The following EPB41L1 variants were observed in gnomAD, a reference collection of about 807,000 sequenced individuals.
EPB41L1 encodes band 4.1-like protein 1.
EPB41L1 carries 29 observed loss-of-function variants against 97.8 expected under a neutral mutation model. That is an observed-to-expected ratio of 0.30 (90% CI 0.22 to 0.40). The LOEUF (loss-of-function observed/expected upper bound fraction) is 0.40, where lower values mean the gene tolerates loss of function less well. EPB41L1 is among the 10% of genes least tolerant of loss of function. The pLI, the probability that EPB41L1 is intolerant of heterozygous loss-of-function variation, is 1.00. For missense variants in EPB41L1, 812 were observed against 1,162.3 expected (o/e 0.70, Z 4.38); for synonymous variants, 383 against 459.2 (o/e 0.83, Z 2.12).
At position 36,207,800 on chromosome 20, in the gene EPB41L1, C is replaced by A; in HGVS notation, c.1669-1688C>A. 7.8e-7 allele frequency: 1 copy of A among 1,279,040 alleles called. No individual in the cohort carries two copies. The highest frequency in any genetic ancestry group is 1.3e-5 in the South Asian group (1 of 79,478). 79.2% of individuals were successfully genotyped at this position (1,279,040 alleles called of 1,614,324 possible). A position where few individuals can be genotyped will look rare whatever the true frequency, so the allele number is the denominator to read the frequency against. Reference sequence around the variant, plus strand: ...ACTGGGGTAACTGGCCGCGTGAGCCCCCGCCCCCACCGCTGCTCCCCGCCC... The same window carrying A: ...ACTGGGGTAACTGGCCGCGTGAGCCACCGCCCCCACCGCTGCTCCCCGCCC... On this transcript the variant is annotated intron_variant, in intron 14 of 21. Coordinates refer to ENST00000338074, the MANE Select transcript of EPB41L1 (RefSeq NM_012156.2). The surrounding 1 kb of genome is among the most constrained non-coding windows in gnomAD (Gnocchi z 4.9).
chr20:36,180,718 A>T (rs77650926), intron 5 of EPB41L1, among the ~76,000 whole-genome samples: 2 of 152,196 alleles, frequency 1.3e-5, no homozygotes, highest in African/African-American at 2.4e-5. Context: ...TGAGTATTAC[A>T]TGTAGAATGG....
chr20:36,229,248 A>C (rs2064371478), intron 21 of EPB41L1, 84 bp from the exon 22 acceptor site: 2 of 1,138,778 alleles, frequency 1.8e-6, no homozygotes, highest in Non-Finnish European at 2.6e-6. Context: ...AACAAGTGAC[A>C]GAAGTTACTA....
In EPB41L1 at chr20:36,187,663, T is replaced by C. The variant is rs1479838141; in HGVS notation, c.786-13T>C. ...TTTCCCTTGGTCACCTGTGATCACTTTCTTTCCCTCAGGGGGATGACCCCG... is the reference window on the plus strand; with the variant it reads ...TTTCCCTTGGTCACCTGTGATCACTCTCTTTCCCTCAGGGGGATGACCCCG... On this transcript the variant is annotated splice_polypyrimidine_tract_variant and intron_variant, in intron 7 of 21. Coordinates refer to ENST00000338074, the MANE Select transcript of EPB41L1 (RefSeq NM_012156.2). 2 of 1,612,596 alleles carry C rather than the reference T, an allele frequency of 1.2e-6. No individual in the cohort carries two copies. Among genetic ancestry groups the C allele is most frequent in the Non-Finnish European group, 1.7e-6 (2 of 1,178,856 alleles).
intron 1 of EPB41L1, among the ~76,000 whole-genome samples, chr20:36,172,750 G>A (rs1339505792): frequency 2.6e-5 from 4 of 151,872 alleles, no homozygotes; most frequent in Admixed American, 6.5e-5. Context: ...ACAGAAGTGC[G>A]CCACCACACC....
In EPB41L1 at chr20:36,092,576, CGG is replaced by C. The variant is rs1849516387; in HGVS notation, c.-65+966_-65+967del. ...GCCCGCCCGCTGCTGCTTGGGGGGCCGGGATCGCCGCCGCCTCCTCCGGGGGA... is the reference window on the plus strand; with the variant it reads ...GCCCGCCCGCTGCTGCTTGGGGGGCCGATCGCCGCCGCCTCCTCCGGGGGA... On this transcript the variant is annotated intron_variant, in intron 1 of 19. Transcript: ENST00000202028. The surrounding 1 kb of genome is among the most constrained non-coding windows in gnomAD (Gnocchi z 7.0). The C allele has an allele frequency of 6.6e-6, 1 of 151,578 alleles. No homozygotes were observed. Among genetic ancestry groups the C allele is most frequent in the Non-Finnish European group, 1.5e-5 (1 of 67,992 alleles). 9.4% of individuals were successfully genotyped at this position (151,578 alleles called of 1,614,324 possible).
rs1211081518 is a variant in EPB41L1 at position 36,154,796 on chromosome 20, G to C, written c.-115G>C. ...CCGAACAGGCTGCTCCGCAGAGCCC[G>C]CCGCGACCCCGCGCCGCCCCGCCCC... On this transcript the variant is annotated 5_prime_UTR_variant, in exon 1 of 22. Transcript: ENST00000338074. The surrounding 1 kb of genome is among the most constrained non-coding windows in gnomAD (Gnocchi z 5.5). The C allele has an allele frequency of 1.0e-6, 1 of 988,980 alleles. No individual in the cohort carries two copies. Among genetic ancestry groups the C allele is most frequent in the East Asian group, 1.1e-4 (1 of 8,812 alleles). The allele number at this position is 988,980 out of a possible 1,614,324, so 61.3% of individuals were successfully genotyped here.
Position 36,091,833 on chromosome 20 carries a change from C to A in EPB41L1, c.-65+221C>A, listed in dbSNP as rs535009731. 5 of 152,392 alleles carry A rather than the reference C, an allele frequency of 3.3e-5. No homozygotes were observed. The South Asian group carries it at 1.0e-3, about 32-fold the overall frequency. The allele number at this position is 152,392 out of a possible 1,614,324, so 9.4% of individuals were successfully genotyped here. On this transcript the variant is annotated intron_variant, in intron 1 of 19. Transcript: ENST00000202028. ...ATAGAAGGCAGACACTTCATCCCTGCCCCATCTTCTTTCAGATGCTATCTT... is the reference window on the plus strand; with the variant it reads ...ATAGAAGGCAGACACTTCATCCCTGACCCATCTTCTTTCAGATGCTATCTT...
chr20:36,134,520 G>T (rs1452660949), intron 2 of EPB41L1, among the ~76,000 whole-genome samples: 3 of 152,222 alleles, frequency 2.0e-5, no homozygotes. Context: ...CAAAGGGTGG[G>T]TGAGTTGGCA....
chr20:36,165,292 AC>A (rs1166947762), intron 1 of EPB41L1, among the ~76,000 whole-genome samples: 5 of 152,076 alleles, frequency 3.3e-5, no homozygotes, highest in Admixed American at 1.3e-4. Context: ...CAGGACATTA[AC>A]TTTTGTATCT....
upstream of EPB41L1, chr20:36,151,310 C>T (rs1324584170): frequency 6.6e-6 from 1 of 152,250 alleles, no homozygotes; most frequent in Admixed American, 6.5e-5. Context: ...GGGTCCTGTC[C>T]CTTCTCTTCT....
chr20:36,207,778 G>A lies in EPB41L1; in HGVS notation c.1669-1710G>A. On this transcript the variant is annotated intron_variant, in intron 14 of 21. Transcript: ENST00000338074. The surrounding 1 kb of genome is among the most constrained non-coding windows in gnomAD (Gnocchi z 4.9). ...CACGCTGGCAGAAGCTACTGGAACT[G>A]GGGTAACTGGCCGCGTGAGCCCCCG... is the stretch of plus-strand genomic sequence containing the variant. 8.5e-6 allele frequency: 11 copies of A among 1,287,924 alleles called. No homozygotes were observed. The highest frequency in any genetic ancestry group is 1.1e-5 in the Non-Finnish European group (11 of 987,382). The allele number at this position is 1,287,924 out of a possible 1,614,324, so 79.8% of individuals were successfully genotyped here.
intron 20 of EPB41L1, 142 bp from the exon 21 acceptor site, chr20:36,222,136 A>T: frequency 1.0e-6 from 1 of 963,452 alleles, no homozygotes; most frequent in Non-Finnish European, 1.7e-6. Context: ...CCTGAGCTCT[A>T]GTCTCTCCCT....
At chr20:36,130,274 CATA>C (rs1215728962) in intron 2 of EPB41L1, among the ~76,000 whole-genome samples, 6 of 138,718 alleles carry the variant, frequency 4.3e-5, no homozygotes, top group Admixed American at 7.0e-5. Context: ...TAATTAAAAC[CATA>C]ATAACATAGT....
At chr20:36,125,842 G>T (rs573559153) in intron 2 of EPB41L1, among the ~76,000 whole-genome samples, 1 of 152,262 alleles carries the variant, frequency 6.6e-6, no homozygotes, top group South Asian at 2.1e-4. Context: ...GTAGTCTGTT[G>T]GTGTGGCCTG....
chr20:36,204,653 CT>C (rs2062701286), intron 14 of EPB41L1, among the ~76,000 whole-genome samples: 2 of 136,284 alleles, frequency 1.5e-5, no homozygotes, highest in African/African-American at 5.5e-5. Context: ...CCTGGCCTTT[CT>C]TTTTTTTAGA....
intron 14 of EPB41L1, among the ~76,000 whole-genome samples, chr20:36,199,958 GTAAAA>G (rs1441376365): frequency 6.6e-6 from 1 of 152,178 alleles, no homozygotes; most frequent in Non-Finnish European, 1.5e-5. Flanking sequence ...ATGGGTCTTA[GTAAAA>G]GGTGGAATCT....
intron 1 of EPB41L1, among the ~76,000 whole-genome samples, chr20:36,096,585 T>C (rs934719449): frequency 1.3e-5 from 2 of 152,226 alleles, no homozygotes; most frequent in African/African-American, 4.8e-5. Context: ...CTTGATTAAC[T>C]CCCACTCTTC....
rs115743976 is a variant in EPB41L1 at position 36,190,694 on chromosome 20, C to T, written c.1197C>T (p.Thr399=). The change falls in exon 11 of 22, where the codon ACC becomes ACT. Residue 399 remains threonine (T), a synonymous_variant. Coordinates refer to ENST00000338074, the MANE Select transcript of EPB41L1 (RefSeq NM_012156.2). The surrounding 1 kb of genome is among the most constrained non-coding windows in gnomAD (Gnocchi z 5.8). ...CCAAGTTCCGGTACAGTGGGAGGAC[C>T]CAGGCACAGACTCGCCAGGCCAGCG... ...MGSKFRYSGR[T]QAQTRQASAL... 1,266 of 1,614,130 alleles carry T rather than the reference C, an allele frequency of 7.8e-4. 9 individuals carry two copies. In the African/African-American group the frequency reaches 0.016, roughly 20 times the overall value.
At chr20:36,200,970 C>T (rs1221628566) in intron 14 of EPB41L1, 2 of 457,040 alleles carry the variant, frequency 4.4e-6, no homozygotes, top group East Asian at 1.4e-4. Context: ...CTCGCAGCAT[C>T]TCCTGAGGTT....
Sources: allele counts gnomAD v4.1 joint callset (sites outside exome capture counted in the v4.1 genomes callset), GRCh38; gene constraint gnomAD v4.1.1; non-coding constraint Gnocchi (gnomAD v3.1); transcripts MANE v1.5; gene names NCBI Gene and HGNC (gene_info 2026-07-23, HGNC 2026-07-21).